Variants in OR2AG1 observed in about 807,000 individuals in gnomAD.
OR2AG1 encodes olfactory receptor family 2 subfamily AG member 1, also known as olfactory receptor 2AG1.
For synonymous variants in OR2AG1, 157 were observed against 155.6 expected, an observed-to-expected ratio of 1.01 and a Z score of -0.07; for missense variants, 391 against 385.9, an observed-to-expected ratio of 1.01 and a Z score of -0.11.
chr11:6,785,541 C>A lies in OR2AG1; in HGVS notation c.504C>A (p.Phe168Leu). Residue 168 changes from phenylalanine to leucine, a missense_variant, in exon 2 of 2, where the codon TTC becomes TTA. Physicochemically the swap from Phe to Leu is conservative, Grantham distance 22. Transcript: ENST00000641258. ...CCGTGTATACCATGCACTATCCCTT[C>A]TGCAGGGCCCAGGAGATCAGGCATC... ...IYTVYTMHYP[F>L]CRAQEIRHLL... 6.2e-7 allele frequency: 1 copy of A among 1,614,204 alleles called. No individual in the cohort carries two copies. The highest frequency in any genetic ancestry group is 8.5e-7 in the Non-Finnish European group (1 of 1,180,032).
rs1327087451 is a variant in OR2AG1 at position 6,790,558 on chromosome 11, C to T, written c.*4570C>T. ...CTAGTCATATTTGTCAACCATATCT[C>T]AATAAAGTTGGAAAAAAAAGAAAAC... On this transcript the variant is annotated 3_prime_UTR_variant, in exon 2 of 2. Transcript: ENST00000641258. The T allele has an allele frequency of 6.6e-6, 1 of 151,798 alleles. No homozygotes were observed. Among genetic ancestry groups the T allele is most frequent in the Non-Finnish European group, 1.5e-5 (1 of 67,968 alleles). 9.4% of individuals were successfully genotyped at this position (151,798 alleles called of 1,614,324 possible). A position where few individuals can be genotyped will look rare whatever the true frequency, so the allele number is the denominator to read the frequency against.
At chr11:6,784,682 G>T (rs561913453) in intron 1 of OR2AG1, among the ~76,000 whole-genome samples, 1 of 152,298 alleles carries the variant, frequency 6.6e-6, no homozygotes, top group South Asian at 2.1e-4. Context: ...ATAGTTACAA[G>T]GATAATCAAG....
At position 6,789,475 on chromosome 11, in the gene OR2AG1, A is replaced by C. The variant is rs915611401; in HGVS notation, c.*3487A>C. The C allele has an allele frequency of 2.6e-5, 4 of 152,142 alleles. No individual in the cohort carries two copies. The highest frequency in any genetic ancestry group is 2.0e-4 in the Admixed American group (3 of 15,266). The allele number at this position is 152,142 out of a possible 1,614,324, so 9.4% of individuals were successfully genotyped here. ...GCTTTTGAGTCCCAAAGACCTCACT[A>C]CTTGTATAATCCACAGACTCAAAAA... On this transcript the variant is annotated 3_prime_UTR_variant, in exon 2 of 2. Coordinates refer to ENST00000641258, the MANE Select transcript of OR2AG1 (RefSeq NM_001004489.3).
rs1016833791 is a variant in OR2AG1, at chr11:6,783,047, A to C, written c.-445A>C. On this transcript the variant is annotated 5_prime_UTR_variant, in exon 1 of 2. An upstream start codon of the reference 5' UTR is lost. Transcript: ENST00000641258. ...TCTTTGCTCCCTGACCCCAGCAAGA[A>C]TGAAGGAAAGTCTGAGTATCTGAAC... 1 of 152,324 alleles carries C rather than the reference A, an allele frequency of 6.6e-6. No homozygotes were observed. The highest frequency in any genetic ancestry group is 2.4e-5 in the African/African-American group (1 of 41,440). The allele number at this position is 152,324 out of a possible 1,614,324, so 9.4% of individuals were successfully genotyped here.
rs1847627030 is a variant in OR2AG1, at chr11:6,786,318, G to T, written c.*330G>T. ...TTATATTGGATCAGGGAAAGGAAAA[G>T]AACCAGAGAAAGGAAAGTTTCAAGT... On this transcript the variant is annotated 3_prime_UTR_variant, in exon 2 of 2. Transcript: ENST00000641258. 5.1e-6 allele frequency: 1 copy of T among 197,004 alleles called. No individual in the cohort carries two copies. The highest frequency in any genetic ancestry group is 2.0e-3 in the Middle Eastern group (1 of 490). 12.2% of individuals were successfully genotyped at this position (197,004 alleles called of 1,614,324 possible).
Position 6,789,837 on chromosome 11 carries a change from G to C in OR2AG1, c.*3849G>C, listed in dbSNP as rs915329512. ...AATGGTACAGCCATTATGGAAAACA[G>C]TATGGAGGTCTAAAGATTCAAACTA... On this transcript the variant is annotated 3_prime_UTR_variant, in exon 2 of 2. Coordinates refer to ENST00000641258, the MANE Select transcript of OR2AG1 (RefSeq NM_001004489.3). The C allele has an allele frequency of 2.6e-5, 4 of 152,224 alleles. No homozygotes were observed. Among genetic ancestry groups the C allele is most frequent in the African/African-American group, 7.2e-5 (3 of 41,438 alleles). The allele number at this position is 152,224 out of a possible 1,614,324, so 9.4% of individuals were successfully genotyped here.
chr11:6,783,858 C>T (rs1338775227), intron 1 of OR2AG1, among the ~76,000 whole-genome samples: 1 of 152,172 alleles, frequency 6.6e-6, no homozygotes, highest in Non-Finnish European at 1.5e-5. Context: ...CATTAAGGTA[C>T]TAATGGCCCC....
rs774655969 is a variant in OR2AG1, at chr11:6,785,882, C to T, written c.845C>T (p.Thr282Ile). Residue 282 changes from threonine (T) to isoleucine (I), a missense_variant, in exon 2 of 2, where the codon ACT becomes ATT. Thr to Ile is a moderately conservative substitution (Grantham distance 89). Coordinates refer to ENST00000641258, the MANE Select transcript of OR2AG1 (RefSeq NM_001004489.3). ...NIISVFYTIVTPALNPLIYSL... is the reference protein window; with the variant it reads ...NIISVFYTIVIPALNPLIYSL... Reference sequence around the variant, plus strand: ...ATCTCTGTTTTCTACACAATTGTCACTCCAGCCCTGAATCCACTCATCTAC... The same window carrying T: ...ATCTCTGTTTTCTACACAATTGTCATTCCAGCCCTGAATCCACTCATCTAC... 1 of 1,614,122 alleles carries T rather than the reference C, an allele frequency of 6.2e-7. No individual in the cohort carries two copies. The highest frequency in any genetic ancestry group is 8.5e-7 in the Non-Finnish European group (1 of 1,180,016).
Position 6,788,415 on chromosome 11 carries a change from A to G in OR2AG1, c.*2427A>G, listed in dbSNP as rs544631574. On this transcript the variant is annotated 3_prime_UTR_variant, in exon 2 of 2. Coordinates refer to ENST00000641258, the MANE Select transcript of OR2AG1 (RefSeq NM_001004489.3). The stretch of plus-strand genomic sequence containing the variant: ...TTTTAAAGTAATCCTTTCATTTTCT[A>G]TTATTTTACTACCTTCATCAGACAT... 1.3e-5 allele frequency: 2 copies of G among 152,208 alleles called. No individual in the cohort carries two copies. Among genetic ancestry groups the G allele is most frequent in the East Asian group, 1.9e-4 (1 of 5,182 alleles). 9.4% of individuals were successfully genotyped at this position (152,208 alleles called of 1,614,324 possible).
rs1241888329 is a variant in OR2AG1 at position 6,787,506 on chromosome 11, A to C, written c.*1518A>C. 1 of 152,198 alleles carries C rather than the reference A, an allele frequency of 6.6e-6. No individual in the cohort carries two copies. Among genetic ancestry groups the C allele is most frequent in the Non-Finnish European group, 1.5e-5 (1 of 68,014 alleles). 9.4% of individuals were successfully genotyped at this position (152,198 alleles called of 1,614,324 possible). A position where few individuals can be genotyped will look rare whatever the true frequency, so the allele number is the denominator to read the frequency against. On this transcript the variant is annotated 3_prime_UTR_variant, in exon 2 of 2. Coordinates refer to ENST00000641258, the MANE Select transcript of OR2AG1 (RefSeq NM_001004489.3). ...AGACATCTTTATACTTGTAATCAGC[A>C]TGTGTCGTATAATAAGTATTTAATA...
Position 6,783,093 on chromosome 11 carries a change from C to G in OR2AG1, c.-399C>G, listed in dbSNP as rs960330655. 6.6e-6 allele frequency: 1 copy of G among 152,276 alleles called. No individual in the cohort carries two copies. Among genetic ancestry groups the G allele is most frequent in the Non-Finnish European group, 1.5e-5 (1 of 68,094 alleles). 9.4% of individuals were successfully genotyped at this position (152,276 alleles called of 1,614,324 possible). A position where few individuals can be genotyped will look rare whatever the true frequency, so the allele number is the denominator to read the frequency against. Reference sequence around the variant, plus strand: ...TGAACCCAAGAACTCAGTCTGGTAACTGCTCTAGGGCTAGAGGGGCTCTCT... The same window carrying G: ...TGAACCCAAGAACTCAGTCTGGTAAGTGCTCTAGGGCTAGAGGGGCTCTCT... On this transcript the variant is annotated 5_prime_UTR_variant, in exon 1 of 2. Coordinates refer to ENST00000641258, the MANE Select transcript of OR2AG1 (RefSeq NM_001004489.3).
chr11:6,784,433 C>G (rs1847601390), intron 1 of OR2AG1, among the ~76,000 whole-genome samples: 1 of 152,220 alleles, frequency 6.6e-6, no homozygotes, highest in South Asian at 2.1e-4. Context: ...TTGTCTCAGG[C>G]AGTCCATTAT....
In OR2AG1 at chr11:6,788,890, G is replaced by T. The variant is rs1158371796; in HGVS notation, c.*2902G>T. 1 of 150,332 alleles carries T rather than the reference G, an allele frequency of 6.7e-6. No homozygotes were observed. Among genetic ancestry groups the T allele is most frequent in the Admixed American group, 6.7e-5 (1 of 14,938 alleles). The allele number at this position is 150,332 out of a possible 1,614,324, so 9.3% of individuals were successfully genotyped here. A position where few individuals can be genotyped will look rare whatever the true frequency, so the allele number is the denominator to read the frequency against. ...CCACTGCACTCCAGCCTGGGCAACA[G>T]AGTGAGATTCTGTCACAAAATAAAT... On this transcript the variant is annotated 3_prime_UTR_variant, in exon 2 of 2. Coordinates refer to ENST00000641258, the MANE Select transcript of OR2AG1 (RefSeq NM_001004489.3).
rs1485625806 is a variant in OR2AG1, at chr11:6,790,486, AG to A, written c.*4501del. 1 of 152,232 alleles carries A rather than the reference AG, an allele frequency of 6.6e-6. No individual in the cohort carries two copies. Among genetic ancestry groups the A allele is most frequent in the East Asian group, 1.9e-4 (1 of 5,204 alleles). 9.4% of individuals were successfully genotyped at this position (152,232 alleles called of 1,614,324 possible). On this transcript the variant is annotated 3_prime_UTR_variant, in exon 2 of 2. Coordinates refer to ENST00000641258, the MANE Select transcript of OR2AG1 (RefSeq NM_001004489.3). ...AGCTTGCATGTGGTCATCATTTCAC[AG>A]GGTATACGTATATCAAATCATCACA...
chr11:6,786,120 C>T lies in OR2AG1; in HGVS notation c.*132C>T, dbSNP rs1297870200. 1.5e-6 allele frequency: 1 copy of T among 683,092 alleles called. No homozygotes were observed. The highest frequency in any genetic ancestry group is 2.4e-6 in the Non-Finnish European group (1 of 417,726). 42.3% of individuals were successfully genotyped at this position (683,092 alleles called of 1,614,324 possible). On this transcript the variant is annotated 3_prime_UTR_variant, in exon 2 of 2. Coordinates refer to ENST00000641258, the MANE Select transcript of OR2AG1 (RefSeq NM_001004489.3). ...TTAATAGAAAAGTGAAGGAATGTAA[C>T]TGGATTTGTCAAATGCTCTTTAAAT...
rs1847620630 is a variant in OR2AG1 at position 6,785,776 on chromosome 11, G to A, written c.739G>A (p.Val247Met). The A allele has an allele frequency of 6.2e-7, 1 of 1,614,052 alleles. No individual in the cohort carries two copies. Among genetic ancestry groups the A allele is most frequent in the Non-Finnish European group, 8.5e-7 (1 of 1,180,032 alleles). The stretch of plus-strand genomic sequence containing the variant: ...TGTCACCTGCTCTTCCCACCTGACT[G>A]TGGTTGGGATGTTCTATGGAGCTGC... ...ALVTCSSHLT[V>M]VGMFYGAATF... Residue 247 changes from valine (V) to methionine (M), a missense_variant, in exon 2 of 2, where the codon GTG becomes ATG. Coordinates refer to ENST00000641258, the MANE Select transcript of OR2AG1 (RefSeq NM_001004489.3).
rs1440491288 is a variant in OR2AG1, at chr11:6,785,563, C to T, written c.526C>T (p.His176Tyr). The T allele has an allele frequency of 1.2e-6, 2 of 1,614,044 alleles. No homozygotes were observed. The highest frequency in any genetic ancestry group is 2.7e-5 in the African/African-American group (2 of 74,936). Reference protein sequence around the residue: ...YPFCRAQEIRHLLCEIPHLLK... With the variant: ...YPFCRAQEIRYLLCEIPHLLK... Reference sequence around the variant, plus strand: ...CTTCTGCAGGGCCCAGGAGATCAGGCATCTTCTCTGTGAGATCCCACACTT... The same window carrying T: ...CTTCTGCAGGGCCCAGGAGATCAGGTATCTTCTCTGTGAGATCCCACACTT... Residue 176 changes from histidine (H) to tyrosine (Y), a missense_variant, in exon 2 of 2, where the codon CAT (histidine) becomes TAT (tyrosine). By Grantham distance (83) the His-to-Tyr change is moderately conservative. Coordinates refer to ENST00000641258, the MANE Select transcript of OR2AG1 (RefSeq NM_001004489.3).
In OR2AG1 at chr11:6,785,035, A is replaced by T. The variant is rs550360560; in HGVS notation, c.-3A>T. 6.3e-7 allele frequency: 1 copy of T among 1,586,396 alleles called. No individual in the cohort carries two copies. The highest frequency in any genetic ancestry group is 2.2e-5 in the East Asian group (1 of 44,604). ...TGTTCTAGGTGATGAAAGAAACCAC[A>T]GCATGGAGCTCTGGAACTTCACCTT... is the stretch of plus-strand genomic sequence containing the variant. On this transcript the variant is annotated 5_prime_UTR_variant, in exon 2 of 2. Transcript: ENST00000641258.
rs1406944706 is a variant in OR2AG1, at chr11:6,783,304, C to T, written c.-188C>T. On this transcript the variant is annotated 5_prime_UTR_variant, in exon 1 of 2. Transcript: ENST00000641258. Reference sequence around the variant, plus strand: ...ATAGAAGGGCCCTGACATCTGATCTCACTAGTACTTTTCAGACACTTAACC... The same window carrying T: ...ATAGAAGGGCCCTGACATCTGATCTTACTAGTACTTTTCAGACACTTAACC... The T allele has an allele frequency of 2.6e-5, 4 of 152,246 alleles. No homozygotes were observed. Among genetic ancestry groups the T allele is most frequent in the African/African-American group, 9.6e-5 (4 of 41,458 alleles). 9.4% of individuals were successfully genotyped at this position (152,246 alleles called of 1,614,324 possible).
Sources: allele counts gnomAD v4.1 joint callset (sites outside exome capture counted in the v4.1 genomes callset), GRCh38; gene constraint gnomAD v4.1.1; transcripts MANE v1.5; gene names NCBI Gene and HGNC (gene_info 2026-07-23, HGNC 2026-07-21).